Variants in CHURC1 observed in about 807,000 individuals in gnomAD.
The protein encoded by CHURC1 is churchill domain containing 1, also known as protein Churchill.
Under a neutral mutation model 15.4 loss-of-function variants are expected in CHURC1, and 12 were observed. The ratio of observed to expected loss-of-function variants is 0.78; its 90% CI spans 0.50 to 1.27. CHURC1 has a LOEUF of 1.27. Among genes scored for constraint, CHURC1 ranks in the 50% most tolerant of loss-of-function variants. CHURC1 has a pLI of 0.00. For missense variants in CHURC1, 132 were observed against 137.8 expected (o/e 0.96, Z 0.21); for synonymous variants, 42 against 47.5 (o/e 0.88, Z 0.48).
Position 64,926,100 on chromosome 14 carries a change from T to A in CHURC1, c.246+20T>A. The A allele has an allele frequency of 6.6e-7, 1 of 1,516,832 alleles. No homozygotes were observed. Among genetic ancestry groups the A allele is most frequent in the South Asian group, 1.2e-5 (1 of 81,190 alleles). The allele number at this position is 1,516,832 out of a possible 1,614,324, so 94.0% of individuals were successfully genotyped here. A position where few individuals can be genotyped will look rare whatever the true frequency, so the allele number is the denominator to read the frequency against. On this transcript the variant is annotated intron_variant, in intron 3 of 3. Transcript: ENST00000549115. ...TTTCAGGTAAATATAAATATGGGTA[T>A]AAATATAAATATGGGGAGGTTAGGG...
In CHURC1 at chr14:64,932,499, A is replaced by G; in HGVS notation, c.*269A>G. The G allele has an allele frequency of 3.5e-6, 4 of 1,133,942 alleles. No homozygotes were observed. Among genetic ancestry groups the G allele is most frequent in the Non-Finnish European group, 4.3e-6 (4 of 922,158 alleles). The allele number at this position is 1,133,942 out of a possible 1,614,324, so 70.2% of individuals were successfully genotyped here. On this transcript the variant is annotated 3_prime_UTR_variant, in exon 4 of 4. Coordinates refer to ENST00000549115, the MANE Select transcript of CHURC1 (RefSeq NM_001386928.1). ...GTGGTCAGAAAACAACTAGAATGGGAGCACACCTGGTGCCCAGATTTTGGT... is the reference window on the plus strand; with the variant it reads ...GTGGTCAGAAAACAACTAGAATGGGGGCACACCTGGTGCCCAGATTTTGGT...
chr14:64,921,456 G>A (rs1176938013), intron 1 of CHURC1, among the ~76,000 whole-genome samples: 1 of 142,160 alleles, frequency 7.0e-6, no homozygotes, highest in African/African-American at 2.8e-5. Flanking sequence ...GATATATAAA[G>A]AACTCTTACA....
At chr14:64,923,016 G>A (rs1002676454) in intron 1 of CHURC1, among the ~76,000 whole-genome samples, 6 of 152,158 alleles carry the variant, frequency 3.9e-5, no homozygotes, top group South Asian at 2.1e-4. Context: ...CTGGAGAAAC[G>A]TTGATTTGAG....
intron 3 of CHURC1, among the ~76,000 whole-genome samples, chr14:64,931,094 CTT>C (rs1885053525): frequency 6.6e-6 from 1 of 152,328 alleles, no homozygotes; most frequent in South Asian, 2.1e-4. Flanking sequence ...AGCTAGCAAA[CTT>C]AGCATCAGGT....
chr14:64,918,801 C>T (rs1020274670), intron 1 of CHURC1, among the ~76,000 whole-genome samples: 4 of 152,132 alleles, frequency 2.6e-5, no homozygotes, highest in African/African-American at 7.2e-5. Context: ...CCACTGCACT[C>T]CAGCCTGAGC....
At chr14:64,919,877 A>G (rs1023884267) in intron 1 of CHURC1, among the ~76,000 whole-genome samples, 2 of 151,628 alleles carry the variant, frequency 1.3e-5, no homozygotes, top group African/African-American at 4.8e-5. Context: ...GAGTGAGACC[A>G]TGTCTCAAAA....
At chr14:64,929,874 A>G (rs1884977633) in intron 3 of CHURC1, among the ~76,000 whole-genome samples, 2 of 152,104 alleles carry the variant, frequency 1.3e-5, no homozygotes, top group African/African-American at 4.8e-5. Context: ...CAGAGTTTAC[A>G]TGGAAAATAC....
intron 2 of CHURC1, chr14:64,924,453 C>G (rs1326698582): frequency 6.1e-6 from 1 of 164,352 alleles, no homozygotes; most frequent in African/African-American, 2.4e-5. Flanking sequence ...TTATTGTGAC[C>G]TTAGGGTCAT....
At chr14:64,921,067 CT>C (rs1884258138) in intron 1 of CHURC1, among the ~76,000 whole-genome samples, 1 of 152,134 alleles carries the variant, frequency 6.6e-6, no homozygotes, top group African/African-American at 2.4e-5. Context: ...TGGTCATTGA[CT>C]TTTTTCTACA....
Position 64,930,855 on chromosome 14 carries a change from C to T in CHURC1, c.247-1283C>T. 2 of 455,218 alleles carry T rather than the reference C, an allele frequency of 4.4e-6. 1 individual carries two copies. The highest frequency in any genetic ancestry group is 3.1e-5 in the South Asian group (2 of 64,322). The allele number at this position is 455,218 out of a possible 1,614,324, so 28.2% of individuals were successfully genotyped here. ...TTGAAGCAGTGGAAGTATTTGAGAACAGTAAAAGACCTTGAAGAGGATGTA... is the reference window on the plus strand; with the variant it reads ...TTGAAGCAGTGGAAGTATTTGAGAATAGTAAAAGACCTTGAAGAGGATGTA... On this transcript the variant is annotated intron_variant, in intron 3 of 3. Coordinates refer to ENST00000549115, the MANE Select transcript of CHURC1 (RefSeq NM_001386928.1).
intron 3 of CHURC1, chr14:64,930,959 G>A: frequency 2.5e-6 from 1 of 400,810 alleles, no homozygotes; most frequent in East Asian, 7.4e-5. Flanking sequence ...ACCAGTAGAA[G>A]ATGGAAAAGG....
chr14:64,919,313 T>A (rs1884110377), intron 1 of CHURC1, among the ~76,000 whole-genome samples: 1 of 152,176 alleles, frequency 6.6e-6, no homozygotes, highest in African/African-American at 2.4e-5. Flanking sequence ...ACATTATGAA[T>A]CAGTGGGAAA....
rs1885132373 is a variant in CHURC1, at chr14:64,932,434, A to C, written c.*204A>C. 2.3e-6 allele frequency: 3 copies of C among 1,313,450 alleles called. No homozygotes were observed. The South Asian group carries it at 6.1e-5, about 27-fold the overall frequency. The allele number at this position is 1,313,450 out of a possible 1,614,324, so 81.4% of individuals were successfully genotyped here. Reference sequence around the variant, plus strand: ...TCTTCTGCTAAAGTTCAAAGTTCACATCAGTGTAGCCAGAGTGAAGCATCT... The same window carrying C: ...TCTTCTGCTAAAGTTCAAAGTTCACCTCAGTGTAGCCAGAGTGAAGCATCT... On this transcript the variant is annotated 3_prime_UTR_variant, in exon 4 of 4. Coordinates refer to ENST00000549115, the MANE Select transcript of CHURC1 (RefSeq NM_001386928.1).
At chr14:64,931,894 T>C (rs76623887) in intron 3 of CHURC1, among the ~76,000 whole-genome samples, 2,149 of 152,350 alleles carry the variant, frequency 0.014, 20 homozygotes, top group Admixed American at 0.022. Context: ...AAGCTAAATA[T>C]ATGTGCTTTC....
intron 3 of CHURC1, among the ~76,000 whole-genome samples, chr14:64,926,295 C>T (rs921882317): frequency 2.0e-5 from 3 of 150,832 alleles, no homozygotes; most frequent in South Asian, 2.1e-4. Context: ...AGTCCTCCCA[C>T]CTCGGCCTCC....
At chr14:64,917,878 C>A (rs1232838431) in intron 1 of CHURC1, among the ~76,000 whole-genome samples, 3 of 152,162 alleles carry the variant, frequency 2.0e-5, no homozygotes, top group African/African-American at 7.2e-5. Flanking sequence ...GAAGAAAAAA[C>A]AAAATTGGGG....
At chr14:64,930,416 A>G (rs1176087713) in intron 3 of CHURC1, among the ~76,000 whole-genome samples, 2 of 152,208 alleles carry the variant, frequency 1.3e-5, no homozygotes, top group Non-Finnish European at 1.5e-5. Context: ...ATATAAATTT[A>G]AAAGACTTGT....
At chr14:64,929,946 C>G (rs189242967) in intron 3 of CHURC1, among the ~76,000 whole-genome samples, 1 of 148,534 alleles carries the variant, frequency 6.7e-6, no homozygotes, top group East Asian at 1.9e-4. Context: ...AAAGCCCCCC[C>G]CCACACACAC....
rs1468463885 is a variant in CHURC1 at position 64,933,934 on chromosome 14, T to G, written c.*1704T>G. On this transcript the variant is annotated 3_prime_UTR_variant, in exon 4 of 4. Transcript: ENST00000549115. ...TTCATAAGGTAGGTGCTATTGATAG[T>G]TTAGCCATAACCAGATATGGCTTGT... 1 of 985,248 alleles carries G rather than the reference T, an allele frequency of 1.0e-6. No homozygotes were observed. Among genetic ancestry groups the G allele is most frequent in the Non-Finnish European group, 1.2e-6 (1 of 829,858 alleles). 61.0% of individuals were successfully genotyped at this position (985,248 alleles called of 1,614,324 possible).
Sources: allele counts gnomAD v4.1 joint callset (sites outside exome capture counted in the v4.1 genomes callset), GRCh38; gene constraint gnomAD v4.1.1; transcripts MANE v1.5; gene names NCBI Gene and HGNC (gene_info 2026-07-23, HGNC 2026-07-21).